ROBO2: variants seen among roughly 807,000 people sequenced by gnomAD.
The protein encoded by ROBO2 is roundabout homolog 2.
Under a neutral mutation model 160.8 loss-of-function variants are expected in ROBO2, and 53 were observed. The observed-to-expected ratio is 0.33, with a 90% CI of 0.26 to 0.41. The LOEUF is 0.41. ROBO2 is among the 10% of genes least tolerant of loss of function. The pLI is 1.00. For synonymous variants in ROBO2, 664 were observed against 611.7 expected (o/e 1.09, Z -1.26); for missense variants, 1,577 against 1,722.4 (o/e 0.92, Z 1.49).
intron 2 of ROBO2, among the ~76,000 whole-genome samples, chr3:77,362,194 G>A (rs2070118955): frequency 6.6e-6 from 1 of 152,110 alleles, no homozygotes; most frequent in Admixed American, 6.6e-5. Context: ...AGCACAGTGA[G>A]GCTGACTTTA....
At chr3:76,822,515 TTGA>T (rs2109155590) in intron 2 of ROBO2, among the ~76,000 whole-genome samples, 1 of 152,134 alleles carries the variant, frequency 6.6e-6, no homozygotes, top group African/African-American at 2.4e-5. Flanking sequence ...GTAACATTTG[TTGA>T]TAATTTACTA....
intron 2 of ROBO2, among the ~76,000 whole-genome samples, chr3:77,350,128 G>A (rs1317801851): frequency 6.6e-6 from 1 of 151,258 alleles, no homozygotes; most frequent in Non-Finnish European, 1.5e-5. Context: ...ATATACATAT[G>A]CCGTGTGCAG....
intron 2 of ROBO2, among the ~76,000 whole-genome samples, chr3:76,141,143 CTCTCTCTCTCTCTCTCTATA>C (rs1463545492): frequency 2.6e-4 from 16 of 60,842 alleles, no homozygotes; most frequent in Admixed American, 4.0e-4. Context: ...CTCTCTCTCT[CTCTCTCTCTCTCTCTCTATA>C]TATATATATA....
At chr3:76,621,149 C>T (rs1365082314) in intron 2 of ROBO2, among the ~76,000 whole-genome samples, 3 of 146,950 alleles carry the variant, frequency 2.0e-5, no homozygotes, top group Non-Finnish European at 4.5e-5. Context: ...TTTTTTCAGG[C>T]AAGGGAATAA....
chr3:77,355,407 G>A (rs139871667), intron 2 of ROBO2, among the ~76,000 whole-genome samples: 90 of 152,270 alleles, frequency 5.9e-4, no homozygotes, highest in African/African-American at 2.1e-3. Context: ...TTTTGAGTGG[G>A]GGAATGATAC....
chr3:77,544,716 T>C (rs137879888), intron 6 of ROBO2, among the ~76,000 whole-genome samples: 226 of 152,202 alleles, frequency 1.5e-3, no homozygotes, highest in Middle Eastern at 6.8e-3. Flanking sequence ...ACATCACTCA[T>C]GGTTAGAGGG....
At chr3:77,534,708 A>G (rs1467127241) in intron 6 of ROBO2, among the ~76,000 whole-genome samples, 2 of 152,218 alleles carry the variant, frequency 1.3e-5, no homozygotes, top group African/African-American at 2.4e-5. Flanking sequence ...TTTCAAATAT[A>G]TCTGAATGCC....
chr3:76,829,746 G>T (rs528584050), intron 2 of ROBO2, among the ~76,000 whole-genome samples: 7 of 149,230 alleles, frequency 4.7e-5, no homozygotes, highest in Non-Finnish European at 1.0e-4. Flanking sequence ...TTGGCTCACT[G>T]CAACCTCTGC....
At chr3:77,267,064 T>A (rs2059169775) in intron 2 of ROBO2, among the ~76,000 whole-genome samples, 1 of 152,172 alleles carries the variant, frequency 6.6e-6, no homozygotes, top group African/African-American at 2.4e-5. Context: ...TGAAAGATAT[T>A]CTCAGACTCA....
chr3:77,436,620 G>A (rs1010392642), intron 2 of ROBO2, among the ~76,000 whole-genome samples: 1 of 151,838 alleles, frequency 6.6e-6, no homozygotes, highest in Non-Finnish European at 1.5e-5. Flanking sequence ...ATGGTCAGAT[G>A]TGACCTTCTG....
chr3:77,645,036 C>A (rs1462104414), intron 25 of ROBO2, 132 bp downstream of exon 27: 1 of 936,952 alleles, frequency 1.1e-6, no homozygotes, highest in Non-Finnish European at 1.7e-6. Context: ...TTGCAATTTT[C>A]AACAAGTTTG....
chr3:77,042,362 A>G (rs1047412710), intron 1 of ROBO2, among the ~76,000 whole-genome samples: 2 of 152,244 alleles, frequency 1.3e-5, no homozygotes, highest in African/African-American at 4.8e-5. Flanking sequence ...GATTTTCATG[A>G]TAAGAAGAAT....
chr3:76,327,017 A>G (rs886709171), intron 2 of ROBO2, among the ~76,000 whole-genome samples: 4 of 151,986 alleles, frequency 2.6e-5, no homozygotes, highest in African/African-American at 9.7e-5. Context: ...ATTATGTCCA[A>G]TGTTATGAAT....
chr3:77,134,323 A>G (rs1407035229), intron 2 of ROBO2, among the ~76,000 whole-genome samples: 1 of 152,210 alleles, frequency 6.6e-6, no homozygotes, highest in Admixed American at 6.5e-5. Flanking sequence ...AATATACCAC[A>G]CATTTGACTT....
chr3:77,537,383 A>C (rs1288411038), intron 6 of ROBO2, among the ~76,000 whole-genome samples: 2 of 152,174 alleles, frequency 1.3e-5, no homozygotes, highest in Non-Finnish European at 2.9e-5. Flanking sequence ...TAGCTGCATA[A>C]TAGTAACATG....
At chr3:75,973,515 A>G (rs897409806) in intron 2 of ROBO2, among the ~76,000 whole-genome samples, 13 of 151,710 alleles carry the variant, frequency 8.6e-5, no homozygotes, top group African/African-American at 3.1e-4. Flanking sequence ...AGCAAGAGGG[A>G]GAGATGTGAG....
intron 2 of ROBO2, among the ~76,000 whole-genome samples, chr3:77,413,330 C>T (rs945567356): frequency 2.0e-5 from 3 of 151,920 alleles, no homozygotes; most frequent in Non-Finnish European, 4.4e-5. Context: ...CTTAAATTTA[C>T]GAAAAGCGAG....
intron 2 of ROBO2, among the ~76,000 whole-genome samples, chr3:77,255,839 C>T (rs1268418700): frequency 6.6e-6 from 1 of 152,160 alleles, no homozygotes; most frequent in Admixed American, 6.5e-5. Context: ...GTAACATTCT[C>T]GTCAAAGGAA....
intron 2 of ROBO2, among the ~76,000 whole-genome samples, chr3:76,325,779 T>C (rs1454667481): frequency 1.3e-5 from 2 of 151,800 alleles, no homozygotes; most frequent in Non-Finnish European, 2.9e-5. Flanking sequence ...TGTGAGCTAA[T>C]TTGACAGTAA....
Sources: gnomAD v4.1 joint callset for allele counts (sites outside exome capture counted in the v4.1 genomes callset) on GRCh38, gnomAD v4.1.1 for gene constraint, MANE v1.5 for transcripts, NCBI Gene and HGNC (gene_info 2026-07-23, HGNC 2026-07-21) for gene names.